SAMD5: variants seen among roughly 807,000 people sequenced by gnomAD.
The protein encoded by SAMD5 is sterile alpha motif domain-containing protein 5.
Under a neutral mutation model 11.3 loss-of-function variants are expected in SAMD5, and 13 were observed. That is an observed-to-expected ratio of 1.15 (90% CI 0.75 to 1.83). The LOEUF (loss-of-function observed/expected upper bound fraction) is 1.83. Ranked by LOEUF, SAMD5 falls within the 40% of genes most tolerant of loss-of-function variation. SAMD5 has a pLI of 0.00. For missense variants in SAMD5, 255 were observed against 239.1 expected, an observed-to-expected ratio of 1.07 and a Z score of -0.44; for synonymous variants, 129 against 111.3, an observed-to-expected ratio of 1.16 and a Z score of -1.00.
intron 1 of SAMD5, among the ~76,000 whole-genome samples, chr6:147,619,518 T>C (rs1789926505): frequency 6.6e-6 from 1 of 152,220 alleles, no homozygotes; most frequent in African/African-American, 2.4e-5. Context: ...AGATATTCCT[T>C]GATAGTCCTA....
chr6:147,619,199 A>AT (rs34066157), intron 1 of SAMD5, among the ~76,000 whole-genome samples: 7 of 152,022 alleles, frequency 4.6e-5, no homozygotes, highest in South Asian at 2.1e-4. Context: ...TCACAATCTT[A>AT]TTTTTTTTAA....
At chr6:147,644,682 A>G (rs1405911080) in intron 1 of SAMD5, among the ~76,000 whole-genome samples, 4 of 152,170 alleles carry the variant, frequency 2.6e-5, no homozygotes, top group African/African-American at 9.6e-5. Flanking sequence ...GAAAACATTG[A>G]TTTTCCAAGG....
chr6:147,805,951 C>T, the SAMD5 span, among the ~76,000 whole-genome samples: 3 of 152,058 alleles, frequency 2.0e-5, no homozygotes, highest in African/African-American at 7.2e-5. Flanking sequence ...AGGTAGCATA[C>T]CCCTCACTCT....
intron 1 of SAMD5, among the ~76,000 whole-genome samples, chr6:147,519,820 C>A (rs1228042421): frequency 6.6e-6 from 1 of 152,184 alleles, no homozygotes; most frequent in Non-Finnish European, 1.5e-5. Flanking sequence ...ACTTAACATG[C>A]AGCAATTAGC....
At chr6:147,773,472 G>A in the SAMD5 span, among the ~76,000 whole-genome samples, 1 of 152,188 alleles carries the variant, frequency 6.6e-6, no homozygotes, top group Non-Finnish European at 1.5e-5. Context: ...TGACAGATGG[G>A]TTATAAACAA....
intron 1 of SAMD5, among the ~76,000 whole-genome samples, chr6:147,728,590 T>G (rs1791662698): frequency 6.6e-6 from 1 of 152,172 alleles, no homozygotes; most frequent in Non-Finnish European, 1.5e-5. Flanking sequence ...GGGCTGAGTG[T>G]GCAACCTGGG....
intron 1 of SAMD5, among the ~76,000 whole-genome samples, chr6:147,522,641 T>C (rs924267349): frequency 3.9e-5 from 6 of 152,216 alleles, no homozygotes; most frequent in African/African-American, 7.2e-5. Flanking sequence ...ATACATTCTT[T>C]TACACTATAT....
chr6:147,561,747 A>T (rs965637990), intron 1 of SAMD5, among the ~76,000 whole-genome samples: 6 of 152,288 alleles, frequency 3.9e-5, no homozygotes, highest in Non-Finnish European at 7.4e-5. Context: ...AGCTTGTCAG[A>T]ATTTTAAAAC....
the SAMD5 span, among the ~76,000 whole-genome samples, chr6:147,886,278 C>G: frequency 3.1e-3 from 465 of 152,262 alleles, 4 homozygotes; most frequent in South Asian, 0.012. Context: ...CAGACCAAAA[C>G]AATGAAACAA....
At chr6:147,731,109 T>G (rs1791706821) in intron 1 of SAMD5, among the ~76,000 whole-genome samples, 1 of 152,138 alleles carries the variant, frequency 6.6e-6, no homozygotes, top group Non-Finnish European at 1.5e-5. Flanking sequence ...ATTTTATAGA[T>G]GAAGAAACTG....
At chr6:147,681,985 C>T (rs965996078) in intron 1 of SAMD5, among the ~76,000 whole-genome samples, 1 of 152,198 alleles carries the variant, frequency 6.6e-6, no homozygotes, top group African/African-American at 2.4e-5. Context: ...CATACATGTA[C>T]TAATCAGTAC....
chr6:147,544,766 A>C (rs1181616263), intron 1 of SAMD5, among the ~76,000 whole-genome samples: 1 of 152,232 alleles, frequency 6.6e-6, no homozygotes, highest in Admixed American at 6.5e-5. Flanking sequence ...GTAGAAATGT[A>C]AAATCCTGAG....
the SAMD5 span, among the ~76,000 whole-genome samples, chr6:147,874,419 A>G: frequency 1.3e-5 from 2 of 152,056 alleles, no homozygotes; most frequent in South Asian, 2.1e-4. Flanking sequence ...TTGTCAAGCT[A>G]GCTTTGCAAC....
the SAMD5 span, among the ~76,000 whole-genome samples, chr6:147,897,085 G>A: frequency 1.3e-5 from 2 of 152,134 alleles, no homozygotes; most frequent in African/African-American, 4.8e-5. Context: ...TAAAATGAAA[G>A]TATGATGATT....
chr6:147,569,844 A>C lies in SAMD5; in HGVS notation c.*5388A>C. ...GCAGCAGTTTGGTTTTGTAAATGTA[A>C]TTGCAATTGACACTTTCTTTTCCCT... On this transcript the variant is annotated 3_prime_UTR_variant, in exon 2 of 2. Transcript: ENST00000367474. 4.1e-6 allele frequency: 4 copies of C among 984,864 alleles called. No individual in the cohort carries two copies. Among genetic ancestry groups the C allele is most frequent in the Non-Finnish European group, 4.8e-6 (4 of 829,410 alleles). 61.0% of individuals were successfully genotyped at this position (984,864 alleles called of 1,614,324 possible). A position where few individuals can be genotyped will look rare whatever the true frequency, so the allele number is the denominator to read the frequency against.
the SAMD5 span, among the ~76,000 whole-genome samples, chr6:147,893,027 A>T: frequency 6.6e-6 from 1 of 152,118 alleles, no homozygotes; most frequent in Non-Finnish European, 1.5e-5. Flanking sequence ...AGCCTGACCA[A>T]CGTGGTGAAA....
the SAMD5 span, among the ~76,000 whole-genome samples, chr6:147,753,126 A>G: frequency 6.6e-6 from 1 of 152,206 alleles, no homozygotes; most frequent in African/African-American, 2.4e-5. Flanking sequence ...TTAAATATTA[A>G]CACTGTTATC....
At chr6:147,542,372 G>C (rs1788619936) in intron 1 of SAMD5, among the ~76,000 whole-genome samples, 1 of 152,156 alleles carries the variant, frequency 6.6e-6, no homozygotes. Context: ...GCACTACCTG[G>C]ACAGAGCCGA....
chr6:147,851,959 T>C, the SAMD5 span, among the ~76,000 whole-genome samples: 3 of 152,200 alleles, frequency 2.0e-5, no homozygotes, highest in African/African-American at 4.8e-5. Flanking sequence ...AATCATGATG[T>C]AGTTTTACTC....
Sources: allele counts gnomAD v4.1 joint callset (sites outside exome capture counted in the v4.1 genomes callset), GRCh38; gene constraint gnomAD v4.1.1; transcripts MANE v1.5; gene names NCBI Gene and HGNC (gene_info 2026-07-23, HGNC 2026-07-21).